NEMF: variants seen among roughly 807,000 people sequenced by gnomAD.
NEMF encodes the protein nuclear export mediator factor, also known as ribosome quality control complex subunit NEMF.
In NEMF, 89 loss-of-function variants were observed where a neutral mutation model predicts 162.2. The ratio of observed to expected loss-of-function variants is 0.55; its 90% CI spans 0.46 to 0.65. The LOEUF (loss-of-function observed/expected upper bound fraction) is 0.65, where lower values mean the gene tolerates loss of function less well. Among genes scored for constraint, NEMF ranks in the 30% least tolerant of loss-of-function variants. NEMF has a pLI of 0.00. For missense variants in NEMF, 1,133 were observed against 1,261.9 expected (o/e 0.90, Z 1.55); for synonymous variants, 421 against 404.5 (o/e 1.04, Z -0.49).
At chr14:49,841,951 C>T (rs1257198434) in intron 4 of NEMF, among the ~76,000 whole-genome samples, 1 of 151,788 alleles carries the variant, frequency 6.6e-6, no homozygotes, top group Non-Finnish European at 1.5e-5. Flanking sequence ...ACTAAAAATA[C>T]AAAATTAGCC....
chr14:49,789,410 T>G, intron 27 of NEMF, 67 bp from the exon 28 acceptor site: 1 of 1,610,114 alleles, frequency 6.2e-7, no homozygotes, highest in South Asian at 1.1e-5. Context: ...TTAACAAGAA[T>G]GTATTGAATG....
Position 49,833,515 on chromosome 14 carries a change from A to C in NEMF, c.662-19T>G. The C allele has an allele frequency of 3.3e-6, 5 of 1,520,552 alleles. No individual in the cohort carries two copies. Among genetic ancestry groups the C allele is most frequent in the Non-Finnish European group, 4.5e-6 (5 of 1,113,194 alleles). The allele number at this position is 1,520,552 out of a possible 1,614,324, so 94.2% of individuals were successfully genotyped here. A position where few individuals can be genotyped will look rare whatever the true frequency, so the allele number is the denominator to read the frequency against. On this transcript the variant is annotated intron_variant, in intron 7 of 32. Coordinates refer to ENST00000298310, the MANE Select transcript of NEMF (RefSeq NM_004713.6). Reference sequence around the variant, plus strand: ...TCAATATCTAATGGTGGGGGAAAAAAAGGAAAAAAGGAGTGCCAATCAAGT... The same window carrying C: ...TCAATATCTAATGGTGGGGGAAAAACAGGAAAAAAGGAGTGCCAATCAAGT...
At chr14:49,799,708 C>CTAG (rs1566658790) in intron 23 of NEMF, 30 bp from the exon 24 acceptor site, 1 of 1,572,418 alleles carries the variant, frequency 6.4e-7, no homozygotes. Flanking sequence ...GGAGTCTCTA[C>CTAG]TAGCCTGTAA....
At chr14:49,826,093 C>A (rs1892328343) in intron 15 of NEMF, 138 bp from the exon 16 acceptor site, 3 of 545,548 alleles carry the variant, frequency 5.5e-6, no homozygotes, top group Middle Eastern at 4.8e-4. Flanking sequence ...CACACACACA[C>A]ACAAATACGC....
intron 15 of NEMF, among the ~76,000 whole-genome samples, chr14:49,828,066 C>A (rs1892450019): frequency 6.6e-6 from 1 of 152,012 alleles, no homozygotes; most frequent in Admixed American, 6.6e-5. Context: ...ACATTTTTAA[C>A]CTGAGTGAAC....
chr14:49,813,607 T>C (rs944055963), intron 18 of NEMF, among the ~76,000 whole-genome samples: 1 of 152,156 alleles, frequency 6.6e-6, no homozygotes, highest in Non-Finnish European at 1.5e-5. Context: ...ATGTTTATAA[T>C]TGTTACATCT....
chr14:49,813,495 G>C (rs1273351592), intron 18 of NEMF, among the ~76,000 whole-genome samples: 1 of 151,962 alleles, frequency 6.6e-6, no homozygotes, highest in East Asian at 1.9e-4. Flanking sequence ...CTGAAAGTTG[G>C]GTATTAAAGT....
rs758653072 is a variant in NEMF at position 49,852,744 on chromosome 14, G to C, written c.10C>G (p.Arg4Gly). Residue 4 changes from arginine (R) to glycine (G), a missense_variant, in exon 1 of 33, where the codon CGC becomes GGC. This residue lies in a region of NEMF where 582 missense variants were observed against 631.5 expected (regional missense o/e 0.92). Transcript: ENST00000298310. Reference sequence around the variant, plus strand: ...GCGCGGAGGTCAATGGTGCTAAAGCGGCTCTTCATGGCGAGGCCCGAGGGT... The same window carrying C: ...GCGCGGAGGTCAATGGTGCTAAAGCCGCTCTTCATGGCGAGGCCCGAGGGT... MKS[R>G]FSTIDLRAVL... is the part of the protein sequence containing the mutation. 3.1e-6 allele frequency: 5 copies of C among 1,614,096 alleles called. No individual in the cohort carries two copies. The East Asian group carries it at 6.7e-5, about 22-fold the overall frequency.
At chr14:49,796,685 C>T (rs1356140588) in intron 25 of NEMF, among the ~76,000 whole-genome samples, 1 of 152,184 alleles carries the variant, frequency 6.6e-6, no homozygotes, top group Non-Finnish European at 1.5e-5. Context: ...TAATCATTTG[C>T]CTATGTCACA....
chr14:49,802,248 T>C (rs1890989762), intron 22 of NEMF, among the ~76,000 whole-genome samples: 1 of 151,752 alleles, frequency 6.6e-6, no homozygotes, highest in South Asian at 2.1e-4. Context: ...ATGCCCGGAC[T>C]GATAAATACT....
chr14:49,792,856 C>CT (rs1254891079), intron 26 of NEMF, among the ~76,000 whole-genome samples: 2 of 152,058 alleles, frequency 1.3e-5, no homozygotes, highest in African/African-American at 4.8e-5. Context: ...TGGCACATGC[C>CT]TGTGATCCCA....
intron 22 of NEMF, among the ~76,000 whole-genome samples, chr14:49,802,198 C>T (rs985765576): frequency 1.3e-5 from 2 of 151,654 alleles, no homozygotes; most frequent in Non-Finnish European, 1.5e-5. Flanking sequence ...CCACCTGCCT[C>T]GGACTCCCAA....
Position 49,805,726 on chromosome 14 carries a change from A to G in NEMF, c.1857+295T>C, listed in dbSNP as rs1424566295. Among the ~76,000 whole-genome samples, 4 of 152,298 alleles carry G rather than the reference A, an allele frequency of 2.6e-5. No individual in the cohort carries two copies. The Middle Eastern group carries it at 0.01, about 389-fold the overall frequency. ...ATAACTGGAACACTCTTTATCCTGTATAATTGTGTGGATCACTCTCTCTTC... is the reference window on the plus strand; with the variant it reads ...ATAACTGGAACACTCTTTATCCTGTGTAATTGTGTGGATCACTCTCTCTTC... On this transcript the variant is annotated intron_variant, in intron 19 of 32. Coordinates refer to ENST00000298310, the MANE Select transcript of NEMF (RefSeq NM_004713.6).
intron 7 of NEMF, chr14:49,834,005 T>C (rs530724111): frequency 5.9e-5 from 20 of 339,668 alleles, no homozygotes; most frequent in African/African-American, 3.0e-4. Flanking sequence ...TGTCATTTTA[T>C]GAGTGCACTG....
chr14:49,825,787 C>A, intron 16 of NEMF, 80 bp downstream of exon 16: 1 of 923,292 alleles, frequency 1.1e-6, no homozygotes, highest in Non-Finnish European at 1.7e-6. Flanking sequence ...CTTTGTAGAA[C>A]TGTTTGACTT....
intron 18 of NEMF, among the ~76,000 whole-genome samples, chr14:49,813,767 C>G (rs749652256): frequency 1.3e-5 from 2 of 151,632 alleles, no homozygotes; most frequent in East Asian, 3.9e-4. Flanking sequence ...CTGCACCCAG[C>G]TTTTTAAAAA....
At chr14:49,851,191 G>A (rs145679598) in intron 3 of NEMF, among the ~76,000 whole-genome samples, 243 of 152,264 alleles carry the variant, frequency 1.6e-3, no homozygotes, top group African/African-American at 5.4e-3. Flanking sequence ...GTGACAGAGC[G>A]AGACTCCTTC....
At chr14:49,845,436 T>C (rs1231637328) in intron 4 of NEMF, among the ~76,000 whole-genome samples, 8 of 152,170 alleles carry the variant, frequency 5.3e-5, no homozygotes, top group Non-Finnish European at 2.9e-5. Flanking sequence ...CCAAATTTAT[T>C]TTTAAGATGT....
Position 49,806,063 on chromosome 14 carries a change from A to T in NEMF, c.1815T>A (p.Asp605Glu), listed in dbSNP as rs1566665129. Reference sequence around the variant, plus strand: ...ACCAAGCACTAGTGATAACTCGTGCATCCCAAGCAGCACTGTAGCAAAGTG... The same window carrying T: ...ACCAAGCACTAGTGATAACTCGTGCTTCCCAAGCAGCACTGTAGCAAAGTG... ...TMALCYSAAW[D>E]ARVITSAWWV... is the part of the protein sequence containing the mutation. Residue 605 changes from aspartate to glutamate, a missense_variant, in exon 19 of 33, where the codon GAT (aspartate) becomes GAA (glutamate). By Grantham distance (45) the Asp-to-Glu change is conservative (BLOSUM62 2). This residue lies in a region of NEMF where 532 missense variants were observed against 578.6 expected (regional missense o/e 0.92). Coordinates refer to ENST00000298310, the MANE Select transcript of NEMF (RefSeq NM_004713.6). 1 of 1,611,792 alleles carries T rather than the reference A, an allele frequency of 6.2e-7. No homozygotes were observed. Among genetic ancestry groups the T allele is most frequent in the Non-Finnish European group, 8.5e-7 (1 of 1,179,130 alleles).
Sources: allele counts gnomAD v4.1 joint callset (sites outside exome capture counted in the v4.1 genomes callset), GRCh38; gene constraint gnomAD v4.1.1; regional missense constraint gnomAD v4.1.1; transcripts MANE v1.5; gene names NCBI Gene and HGNC (gene_info 2026-07-23, HGNC 2026-07-21).